APBB1IP: variants seen among roughly 807,000 people sequenced by gnomAD.
The protein encoded by APBB1IP is amyloid beta A4 precursor protein-binding family B member 1-interacting protein.
A neutral mutation model predicts 64.9 loss-of-function variants in APBB1IP; 27 were observed. That is an observed-to-expected ratio of 0.42 (90% CI 0.31 to 0.57). APBB1IP has a LOEUF of 0.57. Among genes scored for constraint, APBB1IP ranks in the 20% least tolerant of loss-of-function variants. The pLI is 0.20. For missense variants in APBB1IP, 812 were observed against 845.5 expected (o/e 0.96, Z 0.49); for synonymous variants, 392 against 331.0 (o/e 1.18, Z -2.00).
intron 11 of APBB1IP, among the ~76,000 whole-genome samples, chr10:26,555,158 T>G (rs1836879825): frequency 6.6e-6 from 1 of 152,202 alleles, no homozygotes; most frequent in Admixed American, 6.5e-5. Flanking sequence ...GATCTCCCAT[T>G]GAGCCCTCCC....
chr10:26,508,216 C>A (rs1186955413), intron 6 of APBB1IP, among the ~76,000 whole-genome samples: 15 of 152,206 alleles, frequency 9.9e-5, no homozygotes, highest in Admixed American at 3.9e-4. Flanking sequence ...TCATACTTTG[C>A]CCTCAAGTAT....
At chr10:26,560,080 T>A (rs371120383) in intron 11 of APBB1IP, 25 bp from the exon 12 acceptor site, 1 of 1,590,538 alleles carries the variant, frequency 6.3e-7, no homozygotes, top group South Asian at 1.1e-5. Context: ...AGTGAATACA[T>A]TGTCTCGAAA....
intron 6 of APBB1IP, among the ~76,000 whole-genome samples, chr10:26,504,064 C>T (rs762743077): frequency 3.3e-5 from 5 of 152,034 alleles, no homozygotes; most frequent in Non-Finnish European, 7.3e-5. Context: ...GTGGCGCCAC[C>T]TTTGGGGAAT....
intron 2 of APBB1IP, among the ~76,000 whole-genome samples, chr10:26,457,471 C>A (rs564568914): frequency 6.6e-6 from 1 of 152,324 alleles, no homozygotes; most frequent in Admixed American, 6.5e-5. Flanking sequence ...TTTACCCAGA[C>A]ATCCAGTCGC....
chr10:26,543,349 C>A (rs1836720172), intron 11 of APBB1IP, among the ~76,000 whole-genome samples: 1 of 151,712 alleles, frequency 6.6e-6, no homozygotes, highest in South Asian at 2.1e-4. Context: ...CGCCTTTAGT[C>A]CCGCTACTTG....
At chr10:26,566,886 C>G (rs892436217) in intron 14 of APBB1IP, 75 bp from the exon 15 acceptor site, 9 of 1,438,334 alleles carry the variant, frequency 6.3e-6, no homozygotes, top group Middle Eastern at 2.5e-4. Flanking sequence ...GACCCCGTCT[C>G]CATTAATTAA....
At chr10:26,524,129 T>C (rs1836440448) in intron 8 of APBB1IP, among the ~76,000 whole-genome samples, 1 of 152,002 alleles carries the variant, frequency 6.6e-6, no homozygotes, top group Non-Finnish European at 1.5e-5. Flanking sequence ...CCTTTCTCCT[T>C]CCCGCATTTA....
chr10:26,549,111 A>C (rs780996618), intron 11 of APBB1IP, among the ~76,000 whole-genome samples: 6 of 152,176 alleles, frequency 3.9e-5, no homozygotes, highest in African/African-American at 7.2e-5. Context: ...TATTCTGTTA[A>C]TGTGATGTGT....
intron 4 of APBB1IP, among the ~76,000 whole-genome samples, chr10:26,498,120 G>A (rs748989946): frequency 3.9e-5 from 6 of 152,032 alleles, no homozygotes; most frequent in Non-Finnish European, 7.4e-5. Context: ...TACATCTTGC[G>A]ATTTTCTCTT....
At chr10:26,515,038 ATT>A (rs10668002) in intron 8 of APBB1IP, among the ~76,000 whole-genome samples, 4 of 133,024 alleles carry the variant, frequency 3.0e-5, no homozygotes, top group Non-Finnish European at 4.7e-5. Flanking sequence ...CCCCCGGCTA[ATT>A]TTTTTTTTTT....
intron 8 of APBB1IP, among the ~76,000 whole-genome samples, chr10:26,519,639 C>T (rs1469594801): frequency 6.6e-6 from 1 of 152,190 alleles, no homozygotes; most frequent in Non-Finnish European, 1.5e-5. Context: ...ACCATTACTA[C>T]TGTAACATAG....
chr10:26,470,617 A>G (rs1258461190), intron 2 of APBB1IP, among the ~76,000 whole-genome samples: 1 of 152,224 alleles, frequency 6.6e-6, no homozygotes, highest in Non-Finnish European at 1.5e-5. Flanking sequence ...AATACATTTA[A>G]GTTAGGCTAT....
At chr10:26,442,179 A>T (rs994607203) in intron 2 of APBB1IP, among the ~76,000 whole-genome samples, 1 of 152,170 alleles carries the variant, frequency 6.6e-6, no homozygotes, top group Non-Finnish European at 1.5e-5. Context: ...GGTCTCCCCA[A>T]CCAGGGTCAC....
At chr10:26,502,986 C>T (rs145472585) in intron 5 of APBB1IP, among the ~76,000 whole-genome samples, 31 of 152,280 alleles carry the variant, frequency 2.0e-4, no homozygotes, top group African/African-American at 7.2e-4. Flanking sequence ...GAAAATTGAA[C>T]GTTTCAGGTA....
intron 2 of APBB1IP, among the ~76,000 whole-genome samples, chr10:26,457,133 ACACT>A (rs1589191850): frequency 2.0e-5 from 3 of 152,284 alleles, no homozygotes; most frequent in Admixed American, 6.5e-5. Flanking sequence ...CTCCTTTTAG[ACACT>A]CACAGCACAG....
intron 3 of APBB1IP, among the ~76,000 whole-genome samples, chr10:26,496,026 G>T (rs962892406): frequency 4.1e-5 from 6 of 145,340 alleles, no homozygotes; most frequent in African/African-American, 1.5e-4. Flanking sequence ...ACCATTACAA[G>T]AAATTATGTG....
At chr10:26,527,279 G>A (rs1412232726) in intron 8 of APBB1IP, among the ~76,000 whole-genome samples, 1 of 152,156 alleles carries the variant, frequency 6.6e-6, no homozygotes, top group Non-Finnish European at 1.5e-5. Context: ...CAGGCATGGT[G>A]GCTCACACCT....
At chr10:26,486,444 A>T (rs1835892688) in intron 2 of APBB1IP, among the ~76,000 whole-genome samples, 2 of 152,198 alleles carry the variant, frequency 1.3e-5, no homozygotes, top group South Asian at 2.1e-4. Context: ...AAGGGTTCTA[A>T]GTCAGACTGA....
At position 26,518,934 on chromosome 10, in the gene APBB1IP, C is replaced by T. The variant is rs142676712; in HGVS notation, c.813+5274C>T. On this transcript the variant is annotated intron_variant, in intron 8 of 14. Transcript: ENST00000376236. ...TTTTTATTAAATCCAGCATTTCTAG[C>T]GGTTTTGTGTACAGCAAGCTACTTG... Among the ~76,000 whole-genome samples, 10 of 152,218 alleles carry T rather than the reference C, an allele frequency of 6.6e-5. No individual in the cohort carries two copies. The East Asian group carries it at 1.2e-3, about 18-fold the overall frequency.
Sources: allele counts gnomAD v4.1 joint callset (sites outside exome capture counted in the v4.1 genomes callset), GRCh38; gene constraint gnomAD v4.1.1; transcripts MANE v1.5; gene names NCBI Gene and HGNC (gene_info 2026-07-23, HGNC 2026-07-21).